Variants in ZNF197 observed in about 807,000 individuals in gnomAD.
The protein encoded by ZNF197 is zinc finger protein 197.
ZNF197 carries 14 observed loss-of-function variants against 27.4 expected under a neutral mutation model. The ratio of observed to expected loss-of-function variants is 0.51; its 90% CI spans 0.34 to 0.80. The LOEUF is 0.80. Among genes scored for constraint, ZNF197 ranks in the 30% least tolerant of loss-of-function variants. ZNF197 has a pLI of 0.02. For missense variants in ZNF197, 1,090 were observed against 1,222.6 expected, an observed-to-expected ratio of 0.89 and a Z score of 1.62; for synonymous variants, 415 against 420.0, an observed-to-expected ratio of 0.99 and a Z score of 0.15.
At chr3:44,636,304 CAAA>C (rs1304837972) in intron 5 of ZNF197, among the ~76,000 whole-genome samples, 6 of 77,266 alleles carry the variant, frequency 7.8e-5, no homozygotes, top group Admixed American at 1.5e-4. Context: ...GACTCCGTCT[CAAA>C]AAAAAAAAAA....
rs377655677 is a variant in ZNF197, at chr3:44,629,172, A to C, written c.18A>C (p.Val6=). The C allele has an allele frequency of 2.9e-5, 47 of 1,607,908 alleles. No homozygotes were observed. Among genetic ancestry groups the C allele is most frequent in the Non-Finnish European group, 3.8e-5 (45 of 1,178,220 alleles). MTREN[V]AHNALRQEGL... is the part of the protein sequence containing the mutation. ...AAACAACAATGACAAGAGAAAATGTAGCCCACAATGCTCTGAGACAAGAGG... is the reference window on the plus strand; with the variant it reads ...AAACAACAATGACAAGAGAAAATGTCGCCCACAATGCTCTGAGACAAGAGG... The change falls in exon 2 of 6, where the codon GTA becomes GTC. Residue 6 remains valine (V), a synonymous_variant. Transcript: ENST00000344387.
At position 44,631,514 on chromosome 3, in the gene ZNF197, C is replaced by T. The variant is rs540146482; in HGVS notation, c.550+293C>T. Among the ~76,000 whole-genome samples the T allele has an allele frequency of 4.0e-4, 61 of 152,036 alleles. 1 individual carries two copies. The highest frequency in any genetic ancestry group is 1.4e-3 in the African/African-American group (59 of 41,466). On this transcript the variant is annotated intron_variant, in intron 3 of 5. Coordinates refer to ENST00000344387, the MANE Select transcript of ZNF197 (RefSeq NM_006991.5). ...CTCCTGGGTTTACGCCATTCTCCTA[C>T]GTCAGCCTCCTGAGTAGCTGGGACT... is the stretch of plus-strand genomic sequence containing the variant.
At chr3:44,632,659 G>C in intron 5 of ZNF197, 60 bp downstream of exon 5, 1 of 1,379,096 alleles carries the variant, frequency 7.3e-7, no homozygotes, top group Admixed American at 2.7e-5. Context: ...TTTGTTTTCT[G>C]ATTATAAAAG....
intron 1 of ZNF197, among the ~76,000 whole-genome samples, chr3:44,628,596 G>A (rs1701801235): frequency 6.6e-6 from 1 of 152,116 alleles, no homozygotes; most frequent in Non-Finnish European, 1.5e-5. Flanking sequence ...AGTTACAGAA[G>A]GGTAATAAGT....
intron 5 of ZNF197, among the ~76,000 whole-genome samples, chr3:44,634,134 T>C (rs1702151047): frequency 6.6e-6 from 1 of 152,220 alleles, no homozygotes; most frequent in Non-Finnish European, 1.5e-5. Flanking sequence ...ATTTGGTCAG[T>C]CTTTTAATTA....
Position 44,642,054 on chromosome 3 carries a change from T to A in ZNF197, c.924T>A (p.Ser308Arg), listed in dbSNP as rs567818218. 2.5e-6 allele frequency: 4 copies of A among 1,614,074 alleles called. No homozygotes were observed. Among genetic ancestry groups the A allele is most frequent in the Non-Finnish European group, 3.4e-6 (4 of 1,179,990 alleles). Reference sequence around the variant, plus strand: ...AGTGTGAATGGCAAGTTTTGGCAAGTCAGTGGGGAAATGAAACAGATGAAA... The same window carrying A: ...AGTGTGAATGGCAAGTTTTGGCAAGACAGTGGGGAAATGAAACAGATGAAA... ...EEECEWQVLA[S>R]QWGNETDERA... The change falls in exon 6 of 6, where the codon AGT (serine) becomes AGA (arginine). Residue 308 changes from serine to arginine, a missense_variant. By Grantham distance (110) the Ser-to-Arg change is moderately radical. Coordinates refer to ENST00000344387, the MANE Select transcript of ZNF197 (RefSeq NM_006991.5).
At chr3:44,636,011 T>C (rs1451945332) in intron 5 of ZNF197, among the ~76,000 whole-genome samples, 1 of 152,178 alleles carries the variant, frequency 6.6e-6, no homozygotes, top group African/African-American at 2.4e-5. Flanking sequence ...CACAATAATT[T>C]TAAAACATTT....
rs772220509 is a variant in ZNF197, at chr3:44,642,952, A to G, written c.1822A>G (p.Asn608Asp). The G allele has an allele frequency of 6.2e-7, 1 of 1,613,988 alleles. No homozygotes were observed. Among genetic ancestry groups the G allele is most frequent in the Admixed American group, 1.7e-5 (1 of 59,992 alleles). Residue 608 changes from asparagine (N) to aspartate (D), a missense_variant, in exon 6 of 6, where the codon AAC (asparagine) becomes GAC (aspartate). Physicochemically the swap from Asn to Asp is conservative, Grantham distance 23. Coordinates refer to ENST00000344387, the MANE Select transcript of ZNF197 (RefSeq NM_006991.5). ...KCGKIFSSKS[N>D]FIDHKRMHSR... Reference sequence around the variant, plus strand: ...TGGGAAGATTTTCAGTTCTAAGTCAAACTTCATTGACCATAAGAGGATGCA... The same window carrying G: ...TGGGAAGATTTTCAGTTCTAAGTCAGACTTCATTGACCATAAGAGGATGCA...
rs1702892055 is a variant in ZNF197, at chr3:44,645,305, G to A, written c.*1085G>A. On this transcript the variant is annotated 3_prime_UTR_variant, in exon 6 of 6. Coordinates refer to ENST00000344387, the MANE Select transcript of ZNF197 (RefSeq NM_006991.5). ...TTAGAACATGGGATCATGTAAGTTT[G>A]TGTATTAAGTCAATATTAGAATGAG... The A allele has an allele frequency of 2.0e-6, 2 of 985,278 alleles. No individual in the cohort carries two copies. The highest frequency in any genetic ancestry group is 4.7e-5 in the South Asian group (1 of 21,292). 61.0% of individuals were successfully genotyped at this position (985,278 alleles called of 1,614,324 possible).
At chr3:44,631,271 G>A in intron 3 of ZNF197, 50 bp downstream of exon 3, 3 of 1,605,854 alleles carry the variant, frequency 1.9e-6, no homozygotes, top group South Asian at 2.2e-5. Context: ...CCCTTCCTGT[G>A]GCTCATCCCC....
chr3:44,634,456 A>AT (rs575629689), intron 5 of ZNF197, among the ~76,000 whole-genome samples: 284 of 144,114 alleles, frequency 2.0e-3, no homozygotes, highest in African/African-American at 3.8e-3. Flanking sequence ...CCTGTATTCT[A>AT]TTTTTTTTTT....
Position 44,644,241 on chromosome 3 carries a change from A to C in ZNF197, c.*21A>C. On this transcript the variant is annotated 3_prime_UTR_variant, in exon 6 of 6. Transcript: ENST00000344387. ...TCTAGTGTCATATGTAAAATGGAAT[A>C]GAATCCCTGCCTACTTAAGTAACTG... 1 of 1,555,250 alleles carries C rather than the reference A, an allele frequency of 6.4e-7. No individual in the cohort carries two copies. The highest frequency in any genetic ancestry group is 8.6e-7 in the Non-Finnish European group (1 of 1,156,512).
At chr3:44,641,758 T>A (rs1159464804) in intron 5 of ZNF197, 142 bp from the exon 6 acceptor site, 1 of 955,668 alleles carries the variant, frequency 1.0e-6, no homozygotes, top group Non-Finnish European at 1.5e-6. Context: ...TTATTCTTTG[T>A]ACCTTCCTTT....
chr3:44,629,591 A>G (rs778621202), intron 2 of ZNF197, 47 bp downstream of exon 2: 2 of 1,511,550 alleles, frequency 1.3e-6, no homozygotes, highest in South Asian at 2.7e-5. Flanking sequence ...GAAAGGAAGG[A>G]AAGAATTGAG....
chr3:44,632,094 T>TCCCTC lies in ZNF197; in HGVS notation c.551-9_551-5dup. The TCCCTC allele has an allele frequency of 6.8e-6, 11 of 1,613,840 alleles. No homozygotes were observed. The highest frequency in any genetic ancestry group is 9.3e-6 in the Non-Finnish European group (11 of 1,179,764). On this transcript the variant is annotated splice_polypyrimidine_tract_variant and intron_variant, in intron 3 of 5. Coordinates refer to ENST00000344387, the MANE Select transcript of ZNF197 (RefSeq NM_006991.5). ...TGTAGGTCCCATATGCAGCTTTTTC[T>TCCCTC]CCCTCCTCAGATTCTCCTGCCCCTG...
rs1366022849 is a variant in ZNF197 at position 44,631,090 on chromosome 3, C to G, written c.419C>G (p.Thr140Ser). The change falls in exon 3 of 6, where the codon ACT becomes AGT. Residue 140 changes from threonine (T) to serine (S), a missense_variant. By Grantham distance (58) the Thr-to-Ser change is moderately conservative (BLOSUM62 1). Coordinates refer to ENST00000344387, the MANE Select transcript of ZNF197 (RefSeq NM_006991.5). ...CCAGTCCTTGTCAAGGATCAGGACA[C>G]TCTCCAGAAGGTGGTGAGTGCCCCA... ...QVPVLVKDQD[T>S]LQKVVSAPGT... 6.2e-7 allele frequency: 1 copy of G among 1,614,092 alleles called. No individual in the cohort carries two copies. The highest frequency in any genetic ancestry group is 2.2e-5 in the East Asian group (1 of 44,870).
At chr3:44,631,341 T>G in intron 3 of ZNF197, 120 bp downstream of exon 3, 1 of 1,236,270 alleles carries the variant, frequency 8.1e-7, no homozygotes, top group Admixed American at 2.2e-5. Context: ...CAGTGCCAAT[T>G]TCTTTCTGCT....
Position 44,643,012 on chromosome 3 carries a change from G to T in ZNF197, c.1882G>T (p.Gly628Trp). Residue 628 changes from glycine to tryptophan, a missense_variant, in exon 6 of 6, where the codon GGG (glycine) becomes TGG (tryptophan). Coordinates refer to ENST00000344387, the MANE Select transcript of ZNF197 (RefSeq NM_006991.5). ...REKPYKCTEC[G>W]KAFTQSAYLF... ...GAAACCTTACAAATGCACTGAATGT[G>T]GGAAAGCCTTTACTCAAAGTGCTTA... 6.2e-7 allele frequency: 1 copy of T among 1,614,072 alleles called. No individual in the cohort carries two copies. Among genetic ancestry groups the T allele is most frequent in the Non-Finnish European group, 8.5e-7 (1 of 1,180,018 alleles).
At chr3:44,632,305 G>C (rs778498377) in intron 4 of ZNF197, 109 bp downstream of exon 4, 105 of 1,513,014 alleles carry the variant, frequency 6.9e-5, no homozygotes, top group Non-Finnish European at 9.6e-5. Context: ...TTCTAAATCA[G>C]GGTCTATGCT....
Sources: gnomAD v4.1 joint callset for allele counts (sites outside exome capture counted in the v4.1 genomes callset) on GRCh38, gnomAD v4.1.1 for gene constraint, MANE v1.5 for transcripts, NCBI Gene and HGNC (gene_info 2026-07-23, HGNC 2026-07-21) for gene names.